UNC5A: variants seen among roughly 807,000 people sequenced by gnomAD.
UNC5A encodes the protein netrin receptor UNC5A.
A neutral mutation model predicts 87.4 loss-of-function variants in UNC5A; 20 were observed. The observed-to-expected ratio is 0.23, with a 90% CI of 0.16 to 0.33. The LOEUF is 0.33. UNC5A is among the 10% of genes least tolerant of loss of function. The pLI is 1.00. For synonymous variants in UNC5A, 438 were observed against 482.3 expected, an observed-to-expected ratio of 0.91 and a Z score of 1.20; for missense variants, 844 against 1,133.4, an observed-to-expected ratio of 0.74 and a Z score of 3.67.
chr5:176,854,694 G>C (rs965691958), intron 1 of UNC5A, among the ~76,000 whole-genome samples: 1 of 152,220 alleles, frequency 6.6e-6, no homozygotes, highest in African/African-American at 2.4e-5. Flanking sequence ...CTTCGTTCCT[G>C]GGCTCTTGTC....
Position 176,810,703 on chromosome 5 carries a change from C to A in UNC5A, c.-48C>A, listed in dbSNP as rs867524265. 1.4e-5 allele frequency: 12 copies of A among 829,972 alleles called. No individual in the cohort carries two copies. The highest frequency in any genetic ancestry group is 1.2e-3 in the Middle Eastern group (2 of 1,722). 51.4% of individuals were successfully genotyped at this position (829,972 alleles called of 1,614,324 possible). A position where few individuals can be genotyped will look rare whatever the true frequency, so the allele number is the denominator to read the frequency against. ...GGCTGAGGCGCTAAAGCCGCCCTCC[C>A]GCCCGCGGGGCCCCGCGCCCGGCCC... On this transcript the variant is annotated 5_prime_UTR_variant, in exon 1 of 15. Coordinates refer to ENST00000329542, the MANE Select transcript of UNC5A (RefSeq NM_133369.3). This position sits in a 1 kb window ranked among gnomAD's most constrained non-coding sequence, Gnocchi z 7.3.
Position 176,880,197 on chromosome 5 carries a change from T to G in UNC5A, c.*311T>G. 2 of 285,128 alleles carry G rather than the reference T, an allele frequency of 7.0e-6. No individual in the cohort carries two copies. The highest frequency in any genetic ancestry group is 7.7e-5 in the East Asian group (1 of 12,982). The allele number at this position is 285,128 out of a possible 1,614,324, so 17.7% of individuals were successfully genotyped here. A position where few individuals can be genotyped will look rare whatever the true frequency, so the allele number is the denominator to read the frequency against. On this transcript the variant is annotated 3_prime_UTR_variant, in exon 15 of 15. Transcript: ENST00000329542. ...GCGTGTGATGCTACCTCTCCTCCCG[T>G]CCCTCTCCAGGGGCCCCGCATACAC...
At chr5:176,826,621 T>C (rs1198051670) in intron 1 of UNC5A, among the ~76,000 whole-genome samples, 1 of 151,500 alleles carries the variant, frequency 6.6e-6, no homozygotes, top group African/African-American at 2.4e-5. Flanking sequence ...CCATCACTTC[T>C]ATCTAGTTTC....
Position 176,874,415 on chromosome 5 carries a change from A to G in UNC5A, c.1227A>G (p.Thr409=), listed in dbSNP as rs775104288. The part of the protein sequence containing the change: ...LLSPLGGGRH[T]LHHSSPTSEA... Reference sequence around the variant, plus strand: ...GCCCCCTGGGTGGCGGCCGCCACACACTGCACCACAGCTCTCCCACCTCTG... The same window carrying G: ...GCCCCCTGGGTGGCGGCCGCCACACGCTGCACCACAGCTCTCCCACCTCTG... The change falls in exon 8 of 15, where the codon ACA becomes ACG. Residue 409 remains threonine (T), a synonymous_variant. Transcript: ENST00000329542. The surrounding 1 kb of genome is among the most constrained non-coding windows in gnomAD (Gnocchi z 7.6). 2.5e-6 allele frequency: 4 copies of G among 1,613,416 alleles called. No homozygotes were observed. Among genetic ancestry groups the G allele is most frequent in the East Asian group, 4.5e-5 (2 of 44,856 alleles).
chr5:176,840,331 C>G (rs1447254456), intron 1 of UNC5A, among the ~76,000 whole-genome samples: 2 of 151,996 alleles, frequency 1.3e-5, no homozygotes, highest in Admixed American at 1.3e-4. Context: ...CATGGGGGCC[C>G]GCTGTGAGGG....
At chr5:176,823,435 G>T (rs1010868471) in intron 1 of UNC5A, among the ~76,000 whole-genome samples, 4 of 152,122 alleles carry the variant, frequency 2.6e-5, no homozygotes, top group African/African-American at 9.7e-5. Context: ...GCAGGCACTG[G>T]GGGCGAAGGG....
intron 1 of UNC5A, among the ~76,000 whole-genome samples, chr5:176,815,417 G>T (rs1756563814): frequency 6.6e-6 from 1 of 152,202 alleles, no homozygotes; most frequent in East Asian, 1.9e-4. Context: ...AAGCAGAAAG[G>T]ACAGGCTAAG....
At chr5:176,861,849 A>G (rs1992109) in intron 1 of UNC5A, among the ~76,000 whole-genome samples, 99,791 of 151,312 alleles carry the variant, frequency 0.66, 35,994 homozygotes, top group Non-Finnish European at 0.81. Context: ...TTCAAAGGGC[A>G]GCTGGGGGTT....
chr5:176,861,806 G>C (rs550941330), intron 1 of UNC5A, among the ~76,000 whole-genome samples: 1 of 115,452 alleles, frequency 8.7e-6, no homozygotes, highest in East Asian at 2.2e-4. Context: ...TTGGTGGGGG[G>C]ATCACTGCAG....
chr5:176,866,011 G>A lies in UNC5A; in HGVS notation c.293-2119G>A, dbSNP rs746143848. Reference sequence around the variant, plus strand: ...TTGGTTATTAGATTGTTTAGAAGCAGATTGCTGAGAAGGTGAGAACCGAAG... The same window carrying A: ...TTGGTTATTAGATTGTTTAGAAGCAAATTGCTGAGAAGGTGAGAACCGAAG... On this transcript the variant is annotated intron_variant, in intron 2 of 14. Transcript: ENST00000329542. This position sits in a 1 kb window ranked among gnomAD's most constrained non-coding sequence, Gnocchi z 5.0. 1.3e-5 allele frequency among the ~76,000 whole-genome samples: 2 copies of A among 152,240 alleles called. No individual in the cohort carries two copies. The highest frequency in any genetic ancestry group is 2.9e-5 in the Non-Finnish European group (2 of 68,054).
intron 1 of UNC5A, among the ~76,000 whole-genome samples, chr5:176,853,303 G>A (rs1246740887): frequency 6.6e-6 from 1 of 152,262 alleles, no homozygotes; most frequent in Non-Finnish European, 1.5e-5. Context: ...AGGAGCCTGT[G>A]AGCAGTGGCC....
intron 1 of UNC5A, among the ~76,000 whole-genome samples, chr5:176,811,423 G>A (rs1430476034): frequency 1.3e-5 from 2 of 152,226 alleles, no homozygotes; most frequent in African/African-American, 4.8e-5. Flanking sequence ...AAAGCGCCGC[G>A]GTCCCGGTGG....
chr5:176,868,445 C>A (rs1758026053), intron 3 of UNC5A, 116 bp from the exon 4 acceptor site: 4 of 1,428,404 alleles, frequency 2.8e-6, no homozygotes, highest in Admixed American at 4.2e-5. Context: ...GGCCCCCTGG[C>A]CACCTGGCAC....
rs1446362174 is a variant in UNC5A at position 176,869,979 on chromosome 5, C to T, written c.722-391C>T. Among the ~76,000 whole-genome samples the T allele has an allele frequency of 1.3e-5, 2 of 152,162 alleles. No individual in the cohort carries two copies. The highest frequency in any genetic ancestry group is 2.9e-5 in the Non-Finnish European group (2 of 68,018). On this transcript the variant is annotated intron_variant, in intron 5 of 14. Coordinates refer to ENST00000329542, the MANE Select transcript of UNC5A (RefSeq NM_133369.3). The surrounding 1 kb of genome is among the most constrained non-coding windows in gnomAD (Gnocchi z 9.1). Reference sequence around the variant, plus strand: ...TCGATCTGTGTCCAATGTCAGGGCTCAACATAGGGTGTAAGTCACAGGGTG... The same window carrying T: ...TCGATCTGTGTCCAATGTCAGGGCTTAACATAGGGTGTAAGTCACAGGGTG...
At chr5:176,847,903 T>C (rs1757452760) in intron 1 of UNC5A, among the ~76,000 whole-genome samples, 1 of 139,300 alleles carries the variant, frequency 7.2e-6, no homozygotes, top group Admixed American at 7.7e-5. Flanking sequence ...ACAGCCCAGA[T>C]GACATGGAAG....
At chr5:176,853,474 G>A (rs1757594302) in intron 1 of UNC5A, among the ~76,000 whole-genome samples, 1 of 152,192 alleles carries the variant, frequency 6.6e-6, no homozygotes, top group South Asian at 2.1e-4. Flanking sequence ...CGTGACTCCT[G>A]TGTCCGTCCT....
rs1461593245 is a variant in UNC5A at position 176,868,075 on chromosome 5, C to T, written c.293-55C>T. On this transcript the variant is annotated intron_variant, in intron 2 of 14. Transcript: ENST00000329542. Reference sequence around the variant, plus strand: ...GCTGAGGGTGGCGCAGGAACCCACACACAGAAGCTCAGGGTGGCCCTGGGG... The same window carrying T: ...GCTGAGGGTGGCGCAGGAACCCACATACAGAAGCTCAGGGTGGCCCTGGGG... The T allele has an allele frequency of 8.9e-6, 14 of 1,570,678 alleles. No homozygotes were observed. The African/African-American group carries it at 1.1e-4, about 12-fold the overall frequency.
chr5:176,870,077 G>T (rs1412324339), intron 5 of UNC5A, among the ~76,000 whole-genome samples: 1 of 152,184 alleles, frequency 6.6e-6, no homozygotes, highest in African/African-American at 2.4e-5. Context: ...GTTCAGAAGG[G>T]TCAACGTGTG....
At position 176,877,238 on chromosome 5, in the gene UNC5A, C is replaced by G; in HGVS notation, c.1425C>G (p.Ile475Met). 1.2e-6 allele frequency: 2 copies of G among 1,612,908 alleles called. No homozygotes were observed. The highest frequency in any genetic ancestry group is 1.7e-6 in the Non-Finnish European group (2 of 1,179,816). ...CAGATGCCATACCCCGAGGGAAGAT[C>G]TATGAGATCTACCTCACGCTGCACA... ...IPPDAIPRGK[I>M]YEIYLTLHKP... The change falls in exon 9 of 15, where the codon ATC becomes ATG. Residue 475 changes from isoleucine to methionine, a missense_variant. This residue lies in a region of UNC5A where 353 missense variants were observed against 387.5 expected (regional missense o/e 0.91). Transcript: ENST00000329542.
Sources: gnomAD v4.1 joint callset for allele counts (sites outside exome capture counted in the v4.1 genomes callset) on GRCh38, gnomAD v4.1.1 for gene constraint, gnomAD v4.1.1 regional missense constraint, Gnocchi (gnomAD v3.1) non-coding constraint, MANE v1.5 for transcripts, NCBI Gene and HGNC (gene_info 2026-07-23, HGNC 2026-07-21) for gene names.